RNF220: variants seen among roughly 807,000 people sequenced by gnomAD.
RNF220 encodes E3 ubiquitin-protein ligase RNF220.
Under a neutral mutation model 67.1 loss-of-function variants are expected in RNF220, and 7 were observed. The observed-to-expected ratio is 0.10, with a 90% CI of 0.06 to 0.20. The LOEUF is 0.20. RNF220 is among the 10% of genes least tolerant of loss of function. The pLI is 1.00. For missense variants in RNF220, 565 were observed against 740.3 expected (o/e 0.76, Z 2.75); for synonymous variants, 270 against 283.2 (o/e 0.95, Z 0.47).
chr1:44,439,355 G>A (rs371179434), intron 2 of RNF220, among the ~76,000 whole-genome samples: 1 of 151,700 alleles, frequency 6.6e-6, no homozygotes. Flanking sequence ...TTTTTGAATT[G>A]CTTATCCATG....
At chr1:44,509,885 C>CAAAAAAAA (rs57479392) in intron 2 of RNF220, among the ~76,000 whole-genome samples, 9 of 106,094 alleles carry the variant, frequency 8.5e-5, no homozygotes, top group Non-Finnish European at 1.2e-4. Flanking sequence ...AGACCCTGTC[C>CAAAAAAAA]AAAAAAAAAA....
intron 2 of RNF220, among the ~76,000 whole-genome samples, chr1:44,501,690 C>G (rs150158651): frequency 2.4e-4 from 36 of 152,242 alleles, no homozygotes; most frequent in African/African-American, 6.5e-4. Flanking sequence ...TCCGTTTCTA[C>G]TCCACCCAAG....
At chr1:44,498,237 G>A (rs981493339) in intron 2 of RNF220, among the ~76,000 whole-genome samples, 32 of 152,130 alleles carry the variant, frequency 2.1e-4, no homozygotes, top group South Asian at 8.3e-4. Flanking sequence ...CAGATGTGTG[G>A]TGTAACTCCA....
chr1:44,555,081 T>C (rs893167631), intron 2 of RNF220, among the ~76,000 whole-genome samples: 1 of 152,136 alleles, frequency 6.6e-6, no homozygotes, highest in African/African-American at 2.4e-5. Flanking sequence ...ACTCAAACTC[T>C]TTTTTGAGAC....
intron 2 of RNF220, among the ~76,000 whole-genome samples, chr1:44,603,978 A>AT (rs1263069882): frequency 3.3e-5 from 5 of 152,210 alleles, no homozygotes; most frequent in Non-Finnish European, 5.9e-5. Context: ...TTCCCACTTC[A>AT]TTTTTATAAG....
chr1:44,452,923 T>A (rs1413191892), intron 2 of RNF220, among the ~76,000 whole-genome samples: 1 of 152,242 alleles, frequency 6.6e-6, no homozygotes, highest in African/African-American at 2.4e-5. Context: ...GATCAGAAAC[T>A]CATTAAATTT....
chr1:44,518,712 T>G (rs191908239), intron 2 of RNF220, among the ~76,000 whole-genome samples: 66 of 152,086 alleles, frequency 4.3e-4, no homozygotes, highest in African/African-American at 1.5e-3. Context: ...CCATGTCTAC[T>G]AAAAATACAA....
intron 2 of RNF220, among the ~76,000 whole-genome samples, chr1:44,456,086 A>G (rs1399188851): frequency 1.3e-5 from 2 of 152,222 alleles, no homozygotes; most frequent in Non-Finnish European, 2.9e-5. Context: ...ATTTGGAGAA[A>G]GGCCCTAAGA....
chr1:44,445,572 T>A (rs1472738394), intron 2 of RNF220, among the ~76,000 whole-genome samples: 1 of 152,146 alleles, frequency 6.6e-6, no homozygotes, highest in Non-Finnish European at 1.5e-5. Flanking sequence ...CTTAAACACA[T>A]AAAATTGTTT....
At chr1:44,501,117 C>T (rs1657820857) in intron 2 of RNF220, among the ~76,000 whole-genome samples, 1 of 147,982 alleles carries the variant, frequency 6.8e-6, no homozygotes, top group African/African-American at 2.5e-5. Context: ...CCCTTTCCAC[C>T]AGCCCGAGTG....
chr1:44,605,341 CTG>C (rs1253129166), intron 2 of RNF220, among the ~76,000 whole-genome samples: 1 of 151,036 alleles, frequency 6.6e-6, no homozygotes, highest in African/African-American at 2.4e-5. Context: ...AGAAGGATAG[CTG>C]ACCAGACTAG....
chr1:44,536,111 A>T (rs1661200321), intron 2 of RNF220, among the ~76,000 whole-genome samples: 1 of 152,012 alleles, frequency 6.6e-6, no homozygotes, highest in African/African-American at 2.4e-5. Context: ...GCTGGTGATG[A>T]TGGAGTAGGG....
intron 2 of RNF220, among the ~76,000 whole-genome samples, chr1:44,513,826 G>A (rs16832018): frequency 0.18 from 28,053 of 152,024 alleles, 3,164 homozygotes; most frequent in East Asian, 0.47. Context: ...ACACATGCCC[G>A]TGCAGCTGTC....
At chr1:44,528,528 T>C (rs272539) in intron 2 of RNF220, among the ~76,000 whole-genome samples, 146,425 of 151,732 alleles carry the variant, frequency 0.97, 70,863 homozygotes, top group Middle Eastern at 1. Flanking sequence ...TCTCAATCTC[T>C]TGACCTTGTG....
chr1:44,480,930 G>A (rs957295823), intron 2 of RNF220, among the ~76,000 whole-genome samples: 4 of 152,174 alleles, frequency 2.6e-5, no homozygotes, highest in East Asian at 1.9e-4. Context: ...GATGAGTTAC[G>A]TCAAATGCTC....
intron 2 of RNF220, among the ~76,000 whole-genome samples, chr1:44,444,015 C>G (rs573911626): frequency 5.3e-5 from 8 of 152,252 alleles, no homozygotes; most frequent in South Asian, 4.1e-4. Flanking sequence ...TGCTTGAACC[C>G]GGGAGGTGGA....
In RNF220 at chr1:44,405,391, T is replaced by TGCTGCCGCTGCC. The variant is rs1553208946; in HGVS notation, c.-254_-243dup. The TGCTGCCGCTGCC allele has an allele frequency of 1.6e-6, 1 of 630,250 alleles. No homozygotes were observed. Among genetic ancestry groups the TGCTGCCGCTGCC allele is most frequent in the Non-Finnish European group, 2.9e-6 (1 of 349,350 alleles). The allele number at this position is 630,250 out of a possible 1,614,324, so 39.0% of individuals were successfully genotyped here. On this transcript the variant is annotated 5_prime_UTR_variant, in exon 1 of 15. Coordinates refer to ENST00000361799, the MANE Select transcript of RNF220 (RefSeq NM_018150.4). ...GCCAGCCGCCTACTGCTGCTGCTGCTGCTGCCGCTGCCGCCGCCGCCGCCG... is the reference window on the plus strand; with the variant it reads ...GCCAGCCGCCTACTGCTGCTGCTGCTGCTGCCGCTGCCGCTGCCGCTGCCGCCGCCGCCGCCG...
intron 2 of RNF220, among the ~76,000 whole-genome samples, chr1:44,431,564 G>C (rs1212541125): frequency 1.3e-5 from 2 of 152,052 alleles, no homozygotes; most frequent in African/African-American, 2.4e-5. Flanking sequence ...GAGCAAGATG[G>C]GGTAAACAGC....
intron 5 of RNF220, among the ~76,000 whole-genome samples, chr1:44,629,934 A>T (rs144064281): frequency 6.6e-6 from 1 of 152,350 alleles, no homozygotes; most frequent in African/African-American, 2.4e-5. Flanking sequence ...TAGAAAGTAG[A>T]ATGCAAGGAA....
Sources: allele counts gnomAD v4.1 joint callset (sites outside exome capture counted in the v4.1 genomes callset), GRCh38; gene constraint gnomAD v4.1.1; transcripts MANE v1.5; gene names NCBI Gene and HGNC (gene_info 2026-07-23, HGNC 2026-07-21).